The following DHRSX variants were observed in gnomAD, a reference collection of about 807,000 sequenced individuals.
DHRSX encodes the protein dehydrogenase/reductase X-linked.
Under a neutral mutation model 34.0 loss-of-function variants are expected in DHRSX, and 31 were observed. The ratio of observed to expected loss-of-function variants is 0.91; its 90% CI spans 0.69 to 1.23. The LOEUF is 1.23. Among genes scored for constraint, DHRSX ranks in the 50% most tolerant of loss-of-function variants. The pLI is 0.00. For synonymous variants in DHRSX, 201 were observed against 183.8 expected, an observed-to-expected ratio of 1.09 and a Z score of -0.76; for missense variants, 414 against 428.1, an observed-to-expected ratio of 0.97 and a Z score of 0.29.
intron 3 of DHRSX, among the ~76,000 whole-genome samples, chrX:2,387,157 G>A (rs1298034679): frequency 1.3e-5 from 2 of 152,034 alleles, no homozygotes; most frequent in African/African-American, 4.8e-5. Context: ...CTGCCCACAT[G>A]CTTTAAAAGG....
At position 2,220,049 on chromosome X, in the gene DHRSX, A is replaced by AT. The variant is rs2015489484; in HGVS notation, c.*991dup. ...TGGAGCCTTAAAACAAGAAAGATTT[A>AT]TTCTCTCTCCGTTCTGGGGACCAGA... is the stretch of plus-strand genomic sequence containing the variant. On this transcript the variant is annotated 3_prime_UTR_variant, in exon 7 of 7. Transcript: ENST00000334651. 1 of 152,128 alleles carries AT rather than the reference A, an allele frequency of 6.6e-6. No individual in the cohort carries two copies. Among genetic ancestry groups the AT allele is most frequent in the South Asian group, 2.1e-4 (1 of 4,824 alleles). The allele number at this position is 152,128 out of a possible 1,614,324, so 9.4% of individuals were successfully genotyped here. A position where few individuals can be genotyped will look rare whatever the true frequency, so the allele number is the denominator to read the frequency against.
chrX:2,422,359 C>G (rs1281451498), intron 2 of DHRSX, among the ~76,000 whole-genome samples: 1 of 151,748 alleles, frequency 6.6e-6, no homozygotes, highest in Admixed American at 6.6e-5. Context: ...GGCTCCCTGG[C>G]TCAAGCGATG....
chrX:2,250,523 A>G (rs1950656401), intron 5 of DHRSX, among the ~76,000 whole-genome samples: 2 of 152,060 alleles, frequency 1.3e-5, no homozygotes. Flanking sequence ...CCCGGAGCTG[A>G]AGGTTCATCC....
At chrX:2,246,337 T>A (rs2016280848) in intron 5 of DHRSX, among the ~76,000 whole-genome samples, 1 of 151,866 alleles carries the variant, frequency 6.6e-6, no homozygotes, top group Non-Finnish European at 1.5e-5. Flanking sequence ...GAATACAATA[T>A]TGAGGGCTGG....
intron 5 of DHRSX, among the ~76,000 whole-genome samples, chrX:2,263,206 C>T (rs1412336346): frequency 1.3e-5 from 2 of 152,190 alleles, no homozygotes; most frequent in Non-Finnish European, 2.9e-5. Context: ...GTGTCTGTCT[C>T]CAAATTCCTA....
chrX:2,371,768 T>A (rs998253669), intron 3 of DHRSX, among the ~76,000 whole-genome samples: 1 of 151,574 alleles, frequency 6.6e-6, no homozygotes, highest in Non-Finnish European at 1.5e-5. Context: ...CAGTAGTCCC[T>A]CCTCCTCTTA....
chrX:2,489,176 G>A (rs1293936056), intron 1 of DHRSX: 9 of 1,613,496 alleles, frequency 5.6e-6, no homozygotes, highest in Admixed American at 3.3e-5. Context: ...GTCCTCAGCC[G>A]GCCGGTAGCC....
chrX:2,333,663 T>C (rs933810111), intron 3 of DHRSX, among the ~76,000 whole-genome samples: 22 of 152,062 alleles, frequency 1.4e-4, no homozygotes, highest in African/African-American at 5.3e-4. Flanking sequence ...TCTGCCCACC[T>C]CGGCCTCCCA....
chrX:2,238,081 A>T (rs2016057661), intron 6 of DHRSX, among the ~76,000 whole-genome samples: 1 of 152,150 alleles, frequency 6.6e-6, no homozygotes, highest in South Asian at 2.1e-4. Context: ...TCTCATCTTT[A>T]TAAATGCACA....
intron 2 of DHRSX, among the ~76,000 whole-genome samples, chrX:2,415,895 T>A (rs1039445429): frequency 6.6e-6 from 1 of 150,696 alleles, no homozygotes; most frequent in Non-Finnish European, 1.5e-5. Context: ...GATCTCCTCA[T>A]GACCAATCTA....
At chrX:2,484,553 G>A (rs1304338384) in intron 1 of DHRSX, among the ~76,000 whole-genome samples, 1 of 152,148 alleles carries the variant, frequency 6.6e-6, no homozygotes, top group Admixed American at 6.5e-5. Flanking sequence ...GCCAAACCCT[G>A]CTGTTTTCGT....
At chrX:2,485,603 G>A (rs1213978151) in intron 1 of DHRSX, among the ~76,000 whole-genome samples, 1 of 127,790 alleles carries the variant, frequency 7.8e-6, no homozygotes, top group Non-Finnish European at 1.7e-5. Flanking sequence ...AGGGAGACAG[G>A]GAGGGACAGA....
chrX:2,245,803 A>T (rs1484958254), intron 5 of DHRSX, among the ~76,000 whole-genome samples: 1 of 150,474 alleles, frequency 6.6e-6, no homozygotes, highest in African/African-American at 2.4e-5. Context: ...TAAAAAAAAA[A>T]ATTAAAAAAT....
intron 1 of DHRSX, among the ~76,000 whole-genome samples, chrX:2,493,957 C>T (rs918637482): frequency 8.6e-5 from 13 of 150,918 alleles, no homozygotes; most frequent in Non-Finnish European, 1.2e-4. Flanking sequence ...GGGCAACAAG[C>T]GCAAAACTCC....
In DHRSX at chrX:2,335,553, C is replaced by G. The variant is rs952931845; in HGVS notation, c.287-43950G>C. On this transcript the variant is annotated intron_variant, in intron 3 of 6. Transcript: ENST00000334651. ...GCAACCTCAGCCTCCCAGGTTCAAG[C>G]CATTCTCCTGCCTCAGCCTCCCGAG... Among the ~76,000 whole-genome samples, 7 of 151,906 alleles carry G rather than the reference C, an allele frequency of 4.6e-5. No homozygotes were observed. The South Asian group carries it at 1.2e-3, about 27-fold the overall frequency.
intron 1 of DHRSX, among the ~76,000 whole-genome samples, chrX:2,482,909 G>C (rs896499440): frequency 1.3e-5 from 2 of 152,058 alleles, no homozygotes; most frequent in African/African-American, 4.8e-5. Flanking sequence ...GGGTCCACCC[G>C]TCAGCCAAAA....
chrX:2,469,828 A>G (rs4892831), intron 1 of DHRSX, among the ~76,000 whole-genome samples: 92,565 of 152,030 alleles, frequency 0.61, 30,574 homozygotes, highest in African/African-American at 0.89. Flanking sequence ...AAGACGTTCC[A>G]AAGGTCCAGC....
intron 1 of DHRSX, among the ~76,000 whole-genome samples, chrX:2,434,757 C>T (rs1260825146): frequency 6.6e-6 from 1 of 152,190 alleles, no homozygotes; most frequent in African/African-American, 2.4e-5. Context: ...AGATACACTC[C>T]CACACATATG....
chrX:2,437,698 AGTGTGTGTGTGTGT>A (rs57675169), intron 1 of DHRSX, among the ~76,000 whole-genome samples: 1,194 of 98,742 alleles, frequency 0.012, 13 homozygotes, highest in African/African-American at 0.021. Context: ...AGAGAGAGAG[AGTGTGTGTGTGTGT>A]GTGTGTGTGT....
Sources: allele counts gnomAD v4.1 joint callset (sites outside exome capture counted in the v4.1 genomes callset), GRCh38; gene constraint gnomAD v4.1.1; transcripts MANE v1.5; gene names NCBI Gene and HGNC (gene_info 2026-07-23, HGNC 2026-07-21).